Variants in MAPK9 observed in about 807,000 individuals in gnomAD.
MAPK9 encodes mitogen-activated protein kinase 9.
MAPK9 carries 30 observed loss-of-function variants against 57.1 expected under a neutral mutation model. The ratio of observed to expected loss-of-function variants is 0.53; its 90% CI spans 0.39 to 0.71. The LOEUF (loss-of-function observed/expected upper bound fraction) is 0.71, where lower values mean the gene tolerates loss of function less well. MAPK9 is among the 30% of genes least tolerant of loss of function. MAPK9 has a pLI of 0.00. For missense variants in MAPK9, 362 were observed against 521.0 expected, an observed-to-expected ratio of 0.69 and a Z score of 2.97; for synonymous variants, 155 against 177.0, an observed-to-expected ratio of 0.88 and a Z score of 0.99.
chr5:180,280,770 A>C (rs2127622393), intron 1 of MAPK9, among the ~76,000 whole-genome samples, 162 bp from the exon 2 acceptor site: 1 of 152,334 alleles, frequency 6.6e-6, no homozygotes, highest in South Asian at 2.1e-4. Context: ...AAAAATGCAG[A>C]CATTTCAGTG....
At chr5:180,280,343 T>C (rs1367496360) in intron 2 of MAPK9, 97 bp downstream of exon 2, 65 of 1,502,812 alleles carry the variant, frequency 4.3e-5, no homozygotes, top group Non-Finnish European at 8.9e-7. Flanking sequence ...ACAGAGTTTT[T>C]TTTTTAATCA....
intron 1 of MAPK9, among the ~76,000 whole-genome samples, chr5:180,282,731 C>T (rs76583740): frequency 0.025 from 3,876 of 152,256 alleles, 83 homozygotes; most frequent in South Asian, 0.073. Context: ...TCTGCTATGC[C>T]GTCAACACAC....
At chr5:180,252,763 G>A (rs34147472) in intron 5 of MAPK9, among the ~76,000 whole-genome samples, 1,947 of 152,244 alleles carry the variant, frequency 0.013, 38 homozygotes, top group African/African-American at 0.044. Flanking sequence ...ATGAAGGCCT[G>A]GGACACAGGC....
Position 180,292,042 on chromosome 5 carries a change from CG to C in MAPK9, c.-243del. 6.4e-6 allele frequency: 1 copy of C among 155,362 alleles called. No homozygotes were observed. The highest frequency in any genetic ancestry group is 6.6e-5 in the Admixed American group (1 of 15,162). The allele number at this position is 155,362 out of a possible 1,614,324, so 9.6% of individuals were successfully genotyped here. A position where few individuals can be genotyped will look rare whatever the true frequency, so the allele number is the denominator to read the frequency against. On this transcript the variant is annotated 5_prime_UTR_variant, in exon 1 of 12. Coordinates refer to ENST00000452135, the MANE Select transcript of MAPK9 (RefSeq NM_002752.5). ...CGGGGCGCTGCGACCCTTCCGGTCCCGCTCCCTTCTCCGCCGCTGCCGCCGC... is the reference window on the plus strand; with the variant it reads ...CGGGGCGCTGCGACCCTTCCGGTCCCCTCCCTTCTCCGCCGCTGCCGCCGC...
intron 3 of MAPK9, among the ~76,000 whole-genome samples, chr5:180,267,851 A>T (rs1016614597): frequency 6.6e-6 from 1 of 151,542 alleles, no homozygotes; most frequent in African/African-American, 2.4e-5. Context: ...CACGTTTTAT[A>T]TTTTATTTAT....
At chr5:180,271,577 C>T (rs1366928140) in intron 2 of MAPK9, among the ~76,000 whole-genome samples, 4 of 152,172 alleles carry the variant, frequency 2.6e-5, no homozygotes, top group Admixed American at 6.5e-5. Context: ...TGTTCCATCC[C>T]TTTCTCCTCC....
intron 1 of MAPK9, among the ~76,000 whole-genome samples, chr5:180,282,102 T>C (rs1264781126): frequency 6.6e-6 from 1 of 152,206 alleles, no homozygotes; most frequent in Non-Finnish European, 1.5e-5. Context: ...GTCTTGCTCA[T>C]GGCATCTCAT....
intron 5 of MAPK9, among the ~76,000 whole-genome samples, chr5:180,249,760 A>G (rs77822253): frequency 0.011 from 1,745 of 152,338 alleles, 22 homozygotes; most frequent in Admixed American, 0.028. Context: ...TTTTTAACCC[A>G]ATATATCCAT....
In MAPK9 at chr5:180,240,002, A is replaced by G. The variant is rs1199301253; in HGVS notation, c.997-15T>C. 1 of 1,607,512 alleles carries G rather than the reference A, an allele frequency of 6.2e-7. No individual in the cohort carries two copies. Among genetic ancestry groups the G allele is most frequent in the Non-Finnish European group, 8.5e-7 (1 of 1,175,708 alleles). ...TGAGGTGGTGGCTAAAAATTAAATCATATGTAAAGTCAACAGTAATGCCTC... is the reference window on the plus strand; with the variant it reads ...TGAGGTGGTGGCTAAAAATTAAATCGTATGTAAAGTCAACAGTAATGCCTC... On this transcript the variant is annotated splice_polypyrimidine_tract_variant and intron_variant, in intron 9 of 11. Transcript: ENST00000452135.
chr5:180,291,151 C>A (rs1261595719), intron 1 of MAPK9, among the ~76,000 whole-genome samples: 1 of 152,064 alleles, frequency 6.6e-6, no homozygotes, highest in African/African-American at 2.4e-5. Context: ...GGGGCAAATG[C>A]GGGCTGGCAT....
chr5:180,255,642 C>A (rs576279909), intron 5 of MAPK9, among the ~76,000 whole-genome samples: 59 of 152,242 alleles, frequency 3.9e-4, no homozygotes, highest in Middle Eastern at 3.4e-3. Flanking sequence ...GGAAGGTCTG[C>A]TGTGCAAAGC....
chr5:180,291,141 G>A (rs747715390), intron 1 of MAPK9, among the ~76,000 whole-genome samples: 1 of 152,324 alleles, frequency 6.6e-6, no homozygotes, highest in South Asian at 2.1e-4. Context: ...CAAAGGTCCT[G>A]GGGCAAATGC....
Position 180,236,251 on chromosome 5 carries a change from G to T in MAPK9, c.*133C>A. The T allele has an allele frequency of 9.9e-7, 1 of 1,005,736 alleles. No homozygotes were observed. Among genetic ancestry groups the T allele is most frequent in the Non-Finnish European group, 1.4e-6 (1 of 726,138 alleles). 62.3% of individuals were successfully genotyped at this position (1,005,736 alleles called of 1,614,324 possible). A position where few individuals can be genotyped will look rare whatever the true frequency, so the allele number is the denominator to read the frequency against. The stretch of plus-strand genomic sequence containing the variant: ...AAGCAGGCAATCCTATCAGGTCTGA[G>T]TAGGGCAAGGCATTGTGTTTCTTAC... On this transcript the variant is annotated 3_prime_UTR_variant, in exon 12 of 12. Coordinates refer to ENST00000452135, the MANE Select transcript of MAPK9 (RefSeq NM_002752.5).
At chr5:180,270,930 G>C (rs541741521) in intron 2 of MAPK9, among the ~76,000 whole-genome samples, 1 of 150,400 alleles carries the variant, frequency 6.6e-6, no homozygotes, top group Non-Finnish European at 1.5e-5. Context: ...GGTATCAAAA[G>C]TTTTTGTCCA....
At chr5:180,249,255 G>A (rs894358665) in intron 5 of MAPK9, 117 bp from the exon 6 acceptor site, 102 of 949,786 alleles carry the variant, frequency 1.1e-4, no homozygotes, top group Non-Finnish European at 1.5e-5. Context: ...TGAACTCTGA[G>A]ATTTGGGAAC....
At chr5:180,264,926 G>C in intron 3 of MAPK9, 87 bp from the exon 4 acceptor site, 8 of 1,090,946 alleles carry the variant, frequency 7.3e-6, no homozygotes, top group Non-Finnish European at 8.7e-6. Context: ...ATTAAGACGG[G>C]AAAAAAATCA....
At position 180,247,334 on chromosome 5, in the gene MAPK9, G is replaced by T; in HGVS notation, c.688+105C>A. The stretch of plus-strand genomic sequence containing the variant: ...AGCCCCCCTTAGAACACAGTCTGGA[G>T]TGGATTTTACGACTTTGTCCTCGTG... On this transcript the variant is annotated intron_variant, in intron 7 of 11. Coordinates refer to ENST00000452135, the MANE Select transcript of MAPK9 (RefSeq NM_002752.5). This position sits in a 1 kb window ranked among gnomAD's most constrained non-coding sequence, Gnocchi z 4.5. The T allele has an allele frequency of 7.8e-7, 1 of 1,276,994 alleles. No homozygotes were observed. Among genetic ancestry groups the T allele is most frequent in the Non-Finnish European group, 1.1e-6 (1 of 878,134 alleles). 79.1% of individuals were successfully genotyped at this position (1,276,994 alleles called of 1,614,324 possible). A position where few individuals can be genotyped will look rare whatever the true frequency, so the allele number is the denominator to read the frequency against.
At chr5:180,249,634 C>A (rs1758469934) in intron 5 of MAPK9, among the ~76,000 whole-genome samples, 1 of 152,236 alleles carries the variant, frequency 6.6e-6, no homozygotes, top group East Asian at 1.9e-4. Context: ...CAGGGCAGTG[C>A]TGTCCCACAG....
chr5:180,271,453 T>G (rs1761307175), intron 2 of MAPK9, among the ~76,000 whole-genome samples: 1 of 152,252 alleles, frequency 6.6e-6, no homozygotes, highest in Non-Finnish European at 1.5e-5. Flanking sequence ...CTATTTTTTT[T>G]GTTGTTCTGC....
Sources: allele counts gnomAD v4.1 joint callset (sites outside exome capture counted in the v4.1 genomes callset), GRCh38; gene constraint gnomAD v4.1.1; non-coding constraint Gnocchi (gnomAD v3.1); transcripts MANE v1.5; gene names NCBI Gene and HGNC (gene_info 2026-07-23, HGNC 2026-07-21).